CAB39: variants seen among roughly 807,000 people sequenced by gnomAD.
CAB39 encodes calcium-binding protein 39.
In CAB39, 8 loss-of-function variants were observed where a neutral mutation model predicts 40.0. That is an observed-to-expected ratio of 0.20 (90% CI 0.12 to 0.36). The LOEUF (loss-of-function observed/expected upper bound fraction) is 0.36, where lower values mean the gene tolerates loss of function less well. CAB39 is among the 10% of genes least tolerant of loss of function. The pLI is 1.00. For missense variants in CAB39, 270 were observed against 401.1 expected (o/e 0.67, Z 2.79); for synonymous variants, 156 against 141.6 (o/e 1.10, Z -0.72).
chr2:230,718,242 T>C (rs1452279912), intron 1 of CAB39, among the ~76,000 whole-genome samples: 4 of 152,190 alleles, frequency 2.6e-5, no homozygotes, highest in African/African-American at 9.7e-5. Context: ...AAAACATACA[T>C]TGTGTATCTT....
At chr2:230,739,217 A>G (rs981408157) in intron 1 of CAB39, among the ~76,000 whole-genome samples, 33 of 152,252 alleles carry the variant, frequency 2.2e-4, no homozygotes, top group African/African-American at 6.3e-4. Context: ...CAGAAGGAAA[A>G]TAGATATTTT....
At chr2:230,805,329 A>G (rs993422490) in intron 5 of CAB39, among the ~76,000 whole-genome samples, 1 of 152,150 alleles carries the variant, frequency 6.6e-6, no homozygotes, top group Admixed American at 6.5e-5. Flanking sequence ...CAGCAAACCA[A>G]CATGGCACAT....
At chr2:230,718,353 C>T (rs1483591142) in intron 1 of CAB39, among the ~76,000 whole-genome samples, 1 of 152,212 alleles carries the variant, frequency 6.6e-6, no homozygotes, top group African/African-American at 2.4e-5. Flanking sequence ...TTGTCTCCCT[C>T]CACAGTAGAT....
At chr2:230,816,812 G>T (rs1416803429) in intron 7 of CAB39, among the ~76,000 whole-genome samples, 1 of 152,168 alleles carries the variant, frequency 6.6e-6, no homozygotes, top group South Asian at 2.1e-4. Flanking sequence ...AGACACAGAG[G>T]AGTTCAGTAA....
chr2:230,771,467 T>C (rs1276309292), intron 2 of CAB39, among the ~76,000 whole-genome samples: 1 of 152,184 alleles, frequency 6.6e-6, no homozygotes, highest in East Asian at 1.9e-4. Flanking sequence ...TGCAAGATAC[T>C]GCTAAGAGAA....
chr2:230,739,486 G>T (rs1694839708), intron 1 of CAB39, among the ~76,000 whole-genome samples: 1 of 152,300 alleles, frequency 6.6e-6, no homozygotes, highest in South Asian at 2.1e-4. Flanking sequence ...TTTGTAATAT[G>T]AAACTATAAT....
chr2:230,745,054 A>C (rs568313113), intron 1 of CAB39, among the ~76,000 whole-genome samples: 1 of 152,366 alleles, frequency 6.6e-6, no homozygotes, highest in Non-Finnish European at 1.5e-5. Flanking sequence ...AAGGATTAAC[A>C]GAAAGCCTTT....
intron 1 of CAB39, among the ~76,000 whole-genome samples, chr2:230,752,941 G>A (rs1389128625): frequency 6.6e-6 from 1 of 152,160 alleles, no homozygotes; most frequent in East Asian, 1.9e-4. Context: ...CATCTATAGG[G>A]AGCAGCAGTT....
intron 1 of CAB39, among the ~76,000 whole-genome samples, chr2:230,716,148 A>G (rs1217667546): frequency 2.0e-5 from 3 of 152,236 alleles, no homozygotes; most frequent in Non-Finnish European, 2.9e-5. Flanking sequence ...CGTATGAAGT[A>G]AGATGCTGAG....
chr2:230,753,330 A>G (rs1695122170), intron 1 of CAB39, among the ~76,000 whole-genome samples: 1 of 152,202 alleles, frequency 6.6e-6, no homozygotes, highest in Admixed American at 6.5e-5. Flanking sequence ...AATTACCATC[A>G]GAAGGAAGCC....
intron 1 of CAB39, among the ~76,000 whole-genome samples, chr2:230,745,475 G>A (rs1427888728): frequency 6.6e-6 from 1 of 152,196 alleles, no homozygotes; most frequent in African/African-American, 2.4e-5. Flanking sequence ...GCACTCCGGA[G>A]ACTTGGTTGG....
chr2:230,798,979 C>T, intron 5 of CAB39, 82 bp downstream of exon 5: 1 of 1,018,234 alleles, frequency 9.8e-7, no homozygotes, highest in South Asian at 1.8e-5. Flanking sequence ...CCTCCTAAAT[C>T]TACACGTGGC....
intron 1 of CAB39, among the ~76,000 whole-genome samples, chr2:230,727,565 C>G (rs966195909): frequency 2.6e-5 from 4 of 151,664 alleles, no homozygotes; most frequent in African/African-American, 9.7e-5. Flanking sequence ...CAGGTGTGCA[C>G]CACCATACCC....
At chr2:230,739,930 A>G (rs748585042) in intron 1 of CAB39, among the ~76,000 whole-genome samples, 2 of 152,254 alleles carry the variant, frequency 1.3e-5, no homozygotes, top group Non-Finnish European at 2.9e-5. Context: ...ACTAACTGCA[A>G]GTTCGATCTT....
chr2:230,717,275 T>C (rs946913386), intron 1 of CAB39, among the ~76,000 whole-genome samples: 1 of 152,220 alleles, frequency 6.6e-6, no homozygotes, highest in African/African-American at 2.4e-5. Context: ...GGCATTATTA[T>C]GAAGTCAGGT....
At chr2:230,727,475 C>T (rs376149703) in intron 1 of CAB39, among the ~76,000 whole-genome samples, 7 of 145,652 alleles carry the variant, frequency 4.8e-5, no homozygotes, top group African/African-American at 7.7e-5. Flanking sequence ...AGTGCGGTGG[C>T]GCAGTCTTGG....
In CAB39 at chr2:230,762,552, G is replaced by A. The variant is rs116797822; in HGVS notation, c.114+2437G>A. 5.5e-3 allele frequency among the ~76,000 whole-genome samples: 842 copies of A among 152,318 alleles called. 7 individuals are homozygous for A. The highest frequency in any genetic ancestry group is 9.8e-3 in the Non-Finnish European group (669 of 68,028). On this transcript the variant is annotated intron_variant, in intron 2 of 8. Transcript: ENST00000258418. ...CAGTCGGGAGAGAGCAGACCCCACA[G>A]AGTAGACATGATACATGTCTGCTGG...
intron 1 of CAB39, among the ~76,000 whole-genome samples, chr2:230,739,727 C>T (rs1369571039): frequency 6.6e-6 from 1 of 152,182 alleles, no homozygotes; most frequent in Non-Finnish European, 1.5e-5. Context: ...CTCCCGACCT[C>T]GGGTGATCCG....
intron 2 of CAB39, among the ~76,000 whole-genome samples, chr2:230,770,968 C>G (rs1460928592): frequency 6.6e-6 from 1 of 152,200 alleles, no homozygotes; most frequent in Non-Finnish European, 1.5e-5. Context: ...CATGTTATCT[C>G]TGAGATCAAG....
Sources: gnomAD v4.1 joint callset for allele counts (sites outside exome capture counted in the v4.1 genomes callset) on GRCh38, gnomAD v4.1.1 for gene constraint, MANE v1.5 for transcripts, NCBI Gene and HGNC (gene_info 2026-07-23, HGNC 2026-07-21) for gene names.